The following NELL1 variants were observed in gnomAD, a reference collection of about 807,000 sequenced individuals.
NELL1 encodes the protein protein kinase C-binding protein NELL1.
NELL1 carries 76 observed loss-of-function variants against 107.4 expected under a neutral mutation model. That is an observed-to-expected ratio of 0.71 (90% CI 0.59 to 0.86). The LOEUF (loss-of-function observed/expected upper bound fraction) is 0.86, where lower values mean the gene tolerates loss of function less well. Among genes scored for constraint, NELL1 ranks in the 40% least tolerant of loss-of-function variants. The probability of loss-of-function intolerance (pLI) is 0.00; values close to 1 mark genes in which losing one functional copy is unlikely to be tolerated. For missense variants in NELL1, 1,024 were observed against 1,005.5 expected (o/e 1.02, Z -0.25); for synonymous variants, 353 against 341.2 (o/e 1.03, Z -0.38).
intron 14 of NELL1, among the ~76,000 whole-genome samples, chr11:21,267,064 C>T (rs932126398): frequency 6.6e-6 from 1 of 151,968 alleles, no homozygotes; most frequent in African/African-American, 2.4e-5. Context: ...AGTCTATAAA[C>T]TGTGGATTTA....
intron 12 of NELL1, among the ~76,000 whole-genome samples, chr11:21,027,609 C>G (rs1358108503): frequency 1.3e-5 from 2 of 152,050 alleles, no homozygotes; most frequent in African/African-American, 4.8e-5. Context: ...GGATTATATA[C>G]AAATAATGCT....
intron 2 of NELL1, among the ~76,000 whole-genome samples, chr11:20,759,432 G>T (rs1456993112): frequency 6.6e-6 from 1 of 152,182 alleles, no homozygotes; most frequent in Non-Finnish European, 1.5e-5. Flanking sequence ...GTGTCACCAG[G>T]ATTCACAAAC....
chr11:21,006,740 G>T (rs1183093694), intron 12 of NELL1, among the ~76,000 whole-genome samples: 2 of 152,204 alleles, frequency 1.3e-5, no homozygotes, highest in Non-Finnish European at 2.9e-5. Context: ...ATGTTTATCT[G>T]AGAGCTTGGC....
At chr11:21,102,826 C>A (rs937811976) in intron 12 of NELL1, among the ~76,000 whole-genome samples, 18 of 152,140 alleles carry the variant, frequency 1.2e-4, no homozygotes, top group Non-Finnish European at 2.5e-4. Context: ...CTTTCCCCAT[C>A]CATTCATTTT....
chr11:20,717,164 C>T (rs976844613), intron 2 of NELL1, among the ~76,000 whole-genome samples: 3 of 152,170 alleles, frequency 2.0e-5, no homozygotes, highest in African/African-American at 7.2e-5. Context: ...TTTAGGAAAT[C>T]CTTAATTATC....
chr11:21,484,023 A>G (rs1854563692), intron 15 of NELL1, among the ~76,000 whole-genome samples: 1 of 104,100 alleles, frequency 9.6e-6, no homozygotes, highest in Admixed American at 1.0e-4. Flanking sequence ...ATATATATAT[A>G]TATATATATG....
At position 21,141,735 on chromosome 11, in the gene NELL1, C is replaced by CTTTT. The variant is rs538678789; in HGVS notation, c.1426+28023_1426+28026dup. Among the ~76,000 whole-genome samples the CTTTT allele has an allele frequency of 3.4e-4, 50 of 145,906 alleles. No individual in the cohort carries two copies. The South Asian group carries it at 9.2e-3, about 27-fold the overall frequency. ...CCATTGTATACCCTCCTCCTCTATCCTTTTTATTTATTTATTTATTTATTT... is the reference window on the plus strand; with the variant it reads ...CCATTGTATACCCTCCTCCTCTATCCTTTTTTTTTATTTATTTATTTATTTATTT... On this transcript the variant is annotated intron_variant, in intron 13 of 19. Coordinates refer to ENST00000357134, the MANE Select transcript of NELL1 (RefSeq NM_006157.5).
chr11:21,248,628 G>A (rs1042568381), intron 14 of NELL1, among the ~76,000 whole-genome samples: 1 of 151,892 alleles, frequency 6.6e-6, no homozygotes, highest in African/African-American at 2.4e-5. Flanking sequence ...CAGCTCAAGT[G>A]GAGAATAGGA....
At chr11:20,876,022 T>C (rs1356319912) in intron 4 of NELL1, among the ~76,000 whole-genome samples, 1 of 152,224 alleles carries the variant, frequency 6.6e-6, no homozygotes, top group Non-Finnish European at 1.5e-5. Flanking sequence ...CAGTGTTTGC[T>C]GATCTCATTT....
At chr11:20,818,246 TG>T (rs1857667210) in intron 3 of NELL1, among the ~76,000 whole-genome samples, 2 of 152,210 alleles carry the variant, frequency 1.3e-5, no homozygotes, top group Non-Finnish European at 2.9e-5. Flanking sequence ...GCACTTGTTT[TG>T]TGAATCTGGG....
chr11:21,498,501 T>TA (rs1266017967), intron 15 of NELL1, among the ~76,000 whole-genome samples: 1 of 151,612 alleles, frequency 6.6e-6, no homozygotes, highest in East Asian at 1.9e-4. Context: ...ATAATTTTTT[T>TA]AAGTACTATA....
At chr11:20,853,047 A>T (rs1848820580) in intron 4 of NELL1, among the ~76,000 whole-genome samples, 1 of 152,184 alleles carries the variant, frequency 6.6e-6, no homozygotes, top group Admixed American at 6.5e-5. Context: ...AATGCATGAC[A>T]ATCTCTACAG....
intron 2 of NELL1, among the ~76,000 whole-genome samples, chr11:20,691,359 A>G (rs576073712): frequency 2.5e-4 from 38 of 150,650 alleles, no homozygotes; most frequent in African/African-American, 7.4e-4. Flanking sequence ...CCTGTCTTGT[A>G]CCAGTTTTCA....
intron 13 of NELL1, among the ~76,000 whole-genome samples, chr11:21,197,346 C>T (rs902565175): frequency 6.6e-6 from 1 of 150,592 alleles, no homozygotes; most frequent in Admixed American, 6.7e-5. Context: ...ACTGTACTTT[C>T]TCTAGGGAGA....
At chr11:21,412,088 G>A (rs553599469) in intron 15 of NELL1, among the ~76,000 whole-genome samples, 4 of 152,180 alleles carry the variant, frequency 2.6e-5, no homozygotes, top group African/African-American at 9.6e-5. Context: ...TTGCAATAAA[G>A]TATCAAATGT....
At chr11:21,510,349 T>C (rs935925594) in intron 15 of NELL1, among the ~76,000 whole-genome samples, 1 of 152,170 alleles carries the variant, frequency 6.6e-6, no homozygotes, top group African/African-American at 2.4e-5. Context: ...TCTGTGGAAT[T>C]TGTAGAGCAT....
At chr11:20,917,979 C>A (rs1850293631) in intron 5 of NELL1, among the ~76,000 whole-genome samples, 1 of 151,860 alleles carries the variant, frequency 6.6e-6, no homozygotes, top group Non-Finnish European at 1.5e-5. Flanking sequence ...CTAATTGGAG[C>A]TTTCTCCACA....
chr11:21,168,875 C>A (rs1054326103), intron 13 of NELL1, among the ~76,000 whole-genome samples: 3 of 151,810 alleles, frequency 2.0e-5, no homozygotes, highest in African/African-American at 7.3e-5. Flanking sequence ...GATCAGGTGG[C>A]CATTTAGGTA....
In NELL1 at chr11:20,786,825, G is replaced by A. The variant is rs952728761; in HGVS notation, c.335+2995G>A. 7.2e-5 allele frequency among the ~76,000 whole-genome samples: 11 copies of A among 151,754 alleles called. No individual in the cohort carries two copies. In the East Asian group the frequency reaches 7.8e-4, roughly 11 times the overall value. Reference sequence around the variant, plus strand: ...AGATCGAGACCATCCTGGCTAACACGGTGAAACCCCGTCTCTACTAAAAAT... The same window carrying A: ...AGATCGAGACCATCCTGGCTAACACAGTGAAACCCCGTCTCTACTAAAAAT... On this transcript the variant is annotated intron_variant, in intron 3 of 19. Transcript: ENST00000357134.
Sources: allele counts gnomAD v4.1 joint callset (sites outside exome capture counted in the v4.1 genomes callset), GRCh38; gene constraint gnomAD v4.1.1; transcripts MANE v1.5; gene names NCBI Gene and HGNC (gene_info 2026-07-23, HGNC 2026-07-21).